MID1: variants seen among roughly 807,000 people sequenced by gnomAD.
MID1 encodes the protein E3 ubiquitin-protein ligase Midline-1.
A neutral mutation model predicts 40.4 loss-of-function variants in MID1; 7 were observed. The ratio of observed to expected loss-of-function variants is 0.17; its 90% confidence interval spans 0.10 to 0.33. The LOEUF (loss-of-function observed/expected upper bound fraction) is 0.33. Ranked by LOEUF, MID1 falls within the 10% of genes least tolerant of loss-of-function variation. The pLI, the probability that MID1 is intolerant of heterozygous loss-of-function variation, is 1.00. For missense variants in MID1, 367 were observed against 558.5 expected (o/e 0.66, Z 3.46); for synonymous variants, 229 against 221.2 (o/e 1.04, Z -0.31).
intron 1 of MID1, among the ~76,000 whole-genome samples, chrX:10,750,066 G>T (rs1353628555): frequency 9.0e-6 from 1 of 111,336 alleles, no homozygotes; most frequent in Admixed American, 9.6e-5. Flanking sequence ...TACATTTCAA[G>T]ATCACACCCC....
intron 1 of MID1, among the ~76,000 whole-genome samples, chrX:10,788,455 A>C (rs2043903533): frequency 9.0e-6 from 1 of 111,713 alleles, no homozygotes; most frequent in Non-Finnish European, 1.9e-5. Flanking sequence ...TGTTCATAGC[A>C]AATGCAGTCA....
intron 1 of MID1, among the ~76,000 whole-genome samples, chrX:10,736,248 G>A (rs767517916): frequency 7.2e-5 from 8 of 111,583 alleles, no homozygotes; most frequent in Non-Finnish European, 1.5e-4. Context: ...CAAAGTGCTC[G>A]GATTACAGGA....
chrX:10,541,388 C>T lies in MID1; in HGVS notation c.661-18201G>A, dbSNP rs73477282. On this transcript the variant is annotated intron_variant, in intron 2 of 9. Coordinates refer to ENST00000317552, the MANE Select transcript of MID1 (RefSeq NM_000381.4). ...TCACAGCTGGTGACTACAACTTCTC[C>T]ATATCTGAAATCACTAACTTTAAAA... 7.0e-3 allele frequency among the ~76,000 whole-genome samples: 777 copies of T among 111,050 alleles called. 10 individuals carry two copies. The highest frequency in any genetic ancestry group is 0.024 in the African/African-American group (731 of 30,517).
At chrX:10,619,922 T>C (rs1265803327) in intron 1 of MID1, among the ~76,000 whole-genome samples, 2 of 111,760 alleles carry the variant, frequency 1.8e-5, no homozygotes, top group African/African-American at 3.3e-5. Context: ...GTCTTTATTC[T>C]AGCCCAAAGC....
rs1399977064 is a variant in MID1 at position 10,730,608 on chromosome X, G to C, written c.-187+102946C>G. Among the ~76,000 whole-genome samples the C allele has an allele frequency of 4.6e-5, 4 of 87,045 alleles. No individual in the cohort carries two copies. In the East Asian group the frequency reaches 1.4e-3, roughly 30 times the overall value. 75.6% of individuals were successfully genotyped at this position (87,045 alleles called of 115,157 possible). On this transcript the variant is annotated intron_variant, in intron 1 of 10. Coordinates refer to the MID1 transcript ENST00000380785. ...TTTTTCTGAGACGGAGTCTCGCTCT[G>C]TTGCCCAGGCTGGAGTGCAGTGGCA... is the stretch of plus-strand genomic sequence containing the variant.
At chrX:10,771,658 ATTTTTTTT>A (rs765034374) in intron 1 of MID1, among the ~76,000 whole-genome samples, 8 of 82,303 alleles carry the variant, frequency 9.7e-5, no homozygotes, top group Non-Finnish European at 1.6e-4. Context: ...TGCCTGGCTA[ATTTTTTTT>A]TTTTTTTTTT....
At chrX:10,664,333 AT>A in intron 1 of MID1, among the ~76,000 whole-genome samples, 1 of 110,087 alleles carries the variant, frequency 9.1e-6, no homozygotes, top group East Asian at 2.9e-4. Flanking sequence ...AGCTATTTTT[AT>A]TTTTTTGTAT....
chrX:10,802,363 T>C (rs1377585175), intron 1 of MID1, among the ~76,000 whole-genome samples: 2 of 110,063 alleles, frequency 1.8e-5, no homozygotes, highest in African/African-American at 6.6e-5. Context: ...CATCAAAAAA[T>C]GGACAAAGGA....
chrX:10,703,728 T>C (rs1000766136), intron 1 of MID1, among the ~76,000 whole-genome samples: 4 of 112,398 alleles, frequency 3.6e-5, no homozygotes, highest in African/African-American at 1.3e-4. Flanking sequence ...TTTAATACAT[T>C]CTTTTTGTAC....
chrX:10,798,830 A>C (rs779483113), intron 1 of MID1, among the ~76,000 whole-genome samples: 1 of 112,048 alleles, frequency 8.9e-6, no homozygotes, highest in African/African-American at 3.2e-5. Flanking sequence ...ATCATTTAAC[A>C]GGCATTTATT....
intron 1 of MID1, among the ~76,000 whole-genome samples, chrX:10,715,856 G>A (rs964493125): frequency 9.0e-6 from 1 of 111,429 alleles, no homozygotes; most frequent in Non-Finnish European, 1.9e-5. Flanking sequence ...ACTTCCAGAG[G>A]AGCGATCAGG....
At chrX:10,494,696 C>G (rs1931139286) in intron 4 of MID1, among the ~76,000 whole-genome samples, 1 of 106,133 alleles carries the variant, frequency 9.4e-6, no homozygotes, top group Admixed American at 1.0e-4. Flanking sequence ...ATTGTCTGAG[C>G]CCGGGAGGCG....
intron 2 of MID1, among the ~76,000 whole-genome samples, chrX:10,536,197 C>A (rs1480892787): frequency 8.9e-6 from 1 of 112,257 alleles, no homozygotes; most frequent in Non-Finnish European, 1.9e-5. Flanking sequence ...TGCACTCCAG[C>A]CTGGGCAACA....
intron 1 of MID1, among the ~76,000 whole-genome samples, chrX:10,766,398 C>G (rs935034654): frequency 3.6e-5 from 4 of 111,388 alleles, no homozygotes; most frequent in Admixed American, 1.9e-4. Context: ...GAGCACAAGC[C>G]TCCCTATAGG....
chrX:10,638,087 C>T (rs1407646977), intron 1 of MID1, among the ~76,000 whole-genome samples: 1 of 111,922 alleles, frequency 8.9e-6, no homozygotes, highest in Non-Finnish European at 1.9e-5. Flanking sequence ...CCTTGTCATC[C>T]AAGATGGCTG....
At position 10,448,572 on chromosome X, in the gene MID1, A is replaced by G. The variant is rs964414461; in HGVS notation, c.*796T>C. On this transcript the variant is annotated 3_prime_UTR_variant, in exon 10 of 10. Coordinates refer to ENST00000317552, the MANE Select transcript of MID1 (RefSeq NM_000381.4). ...TCCTACCTCTGATAAAAGACAAATC[A>G]GCCTGAATTTTTGAATAATCAATAG... 8.9e-6 allele frequency: 1 copy of G among 112,317 alleles called. No homozygotes were observed. Among genetic ancestry groups the G allele is most frequent in the Admixed American group, 9.4e-5 (1 of 10,612 alleles). 9.3% of individuals were successfully genotyped at this position (112,317 alleles called of 1,213,427 possible).
At chrX:10,455,192 C>G in intron 8 of MID1, 115 bp from the exon 9 acceptor site, 1 of 595,482 alleles carries the variant, frequency 1.7e-6, no homozygotes, top group Non-Finnish European at 2.8e-6. Flanking sequence ...GCCAGCCCTC[C>G]CTGAGTCATG....
Position 10,697,710 on chromosome X carries a change from C to T in MID1, c.-186-77291G>A, listed in dbSNP as rs1195950588. Among the ~76,000 whole-genome samples, 11 of 111,364 alleles carry T rather than the reference C, an allele frequency of 9.9e-5. No individual in the cohort carries two copies. The East Asian group carries it at 1.4e-3, about 14-fold the overall frequency. On this transcript the variant is annotated intron_variant, in intron 1 of 10. Coordinates refer to the MID1 transcript ENST00000380785. ...GCCAGTGGTGGTTTGTTTTTGGAGC[C>T]GTGGTTGGGCAGCAGGGGGTGGCTG...
intron 1 of MID1, among the ~76,000 whole-genome samples, chrX:10,826,706 T>C (rs921190192): frequency 1.8e-5 from 2 of 111,834 alleles, no homozygotes; most frequent in African/African-American, 6.5e-5. Flanking sequence ...CATGGCAACA[T>C]ATACCTCCAT....
Sources: gnomAD v4.1 joint callset for allele counts (sites outside exome capture counted in the v4.1 genomes callset) on GRCh38, gnomAD v4.1.1 for gene constraint, MANE v1.5 for transcripts, NCBI Gene and HGNC (gene_info 2026-07-23, HGNC 2026-07-21) for gene names.